TASP1: variants seen among roughly 807,000 people sequenced by gnomAD.
The protein encoded by TASP1 is taspase 1.
A neutral mutation model predicts 56.6 loss-of-function variants in TASP1; 16 were observed. The observed-to-expected ratio is 0.28, with a 90% CI of 0.19 to 0.43. TASP1 has a LOEUF of 0.43. TASP1 is among the 20% of genes least tolerant of loss of function. The probability of loss-of-function intolerance (pLI) is 1.00; values close to 1 mark genes in which losing one functional copy is unlikely to be tolerated. For synonymous variants in TASP1, 179 were observed against 184.2 expected, an observed-to-expected ratio of 0.97 and a Z score of 0.23; for missense variants, 393 against 511.6, an observed-to-expected ratio of 0.77 and a Z score of 2.24.
the TASP1 span, among the ~76,000 whole-genome samples, chr20:13,195,187 T>C: frequency 6.6e-6 from 1 of 152,220 alleles, no homozygotes. Flanking sequence ...AACTTAACAA[T>C]ATAAATAAAG....
In TASP1 at chr20:13,557,546, A is replaced by C. The variant is rs2046200453; in HGVS notation, c.675+1462T>G. On this transcript the variant is annotated intron_variant, in intron 8 of 13. Transcript: ENST00000337743. ...AAAAACTGATTAAATCATTTACTCT[A>C]TGCAAATTTTATTACGATGTTTTTG... 3.0e-5 allele frequency among the ~76,000 whole-genome samples: 4 copies of C among 134,976 alleles called. No homozygotes were observed. The South Asian group carries it at 9.7e-4, about 33-fold the overall frequency. The allele number at this position is 134,976 out of a possible 152,430, so 88.5% of individuals were successfully genotyped here.
intron 1 of TASP1, among the ~76,000 whole-genome samples, chr20:13,634,295 G>C (rs1423130351): frequency 6.6e-6 from 1 of 152,188 alleles, no homozygotes; most frequent in African/African-American, 2.4e-5. Context: ...CATATTATAT[G>C]ATTCCATTTA....
the TASP1 span, among the ~76,000 whole-genome samples, chr20:13,162,254 G>A: frequency 1.5e-4 from 23 of 152,166 alleles, no homozygotes; most frequent in Non-Finnish European, 1.9e-4. Flanking sequence ...GAGCATGGCC[G>A]GGAAGCAAGT....
the TASP1 span, among the ~76,000 whole-genome samples, chr20:13,207,675 T>C: frequency 1.3e-5 from 2 of 152,180 alleles, no homozygotes; most frequent in South Asian, 2.1e-4. Context: ...GGTTTTTTGC[T>C]CTATTCTGGC....
intron 4 of TASP1, among the ~76,000 whole-genome samples, chr20:13,596,744 G>C (rs867339898): frequency 9.9e-5 from 15 of 152,260 alleles, no homozygotes; most frequent in Middle Eastern, 3.4e-3. Context: ...GAATCCAGGA[G>C]CTGGTTTTTT....
At chr20:13,390,576 C>T (rs1023392733) in intron 13 of TASP1, 124 bp from the exon 14 acceptor site, 2 of 719,260 alleles carry the variant, frequency 2.8e-6, no homozygotes, top group African/African-American at 3.5e-5. Flanking sequence ...TGCTTCTGAG[C>T]ATCCACAGAC....
the TASP1 span, among the ~76,000 whole-genome samples, chr20:13,359,726 C>T: frequency 4.3e-4 from 65 of 150,096 alleles, no homozygotes; most frequent in African/African-American, 9.8e-4. Flanking sequence ...CTTATTAGGC[C>T]GAGACACTTT....
intron 7 of TASP1, among the ~76,000 whole-genome samples, chr20:13,560,816 A>T (rs975635950): frequency 6.6e-6 from 1 of 152,186 alleles, no homozygotes; most frequent in Non-Finnish European, 1.5e-5. Flanking sequence ...ATAGCTGAAA[A>T]CTTGCCAAAT....
chr20:13,109,072 T>C, the TASP1 span, among the ~76,000 whole-genome samples: 1 of 152,152 alleles, frequency 6.6e-6, no homozygotes, highest in African/African-American at 2.4e-5. Flanking sequence ...GCTTAAATGT[T>C]AAAAACAAAA....
chr20:13,217,009 C>T, the TASP1 span, among the ~76,000 whole-genome samples: 1 of 152,206 alleles, frequency 6.6e-6, no homozygotes, highest in Non-Finnish European at 1.5e-5. Flanking sequence ...TTGGGGAACA[C>T]AGAACAGCCT....
chr20:13,481,221 C>CA (rs1161333522), intron 11 of TASP1, among the ~76,000 whole-genome samples: 1 of 152,114 alleles, frequency 6.6e-6, no homozygotes, highest in Non-Finnish European at 1.5e-5. Context: ...TGATCTCCCC[C>CA]AGTTCCATCC....
chr20:13,124,296 A>T, the TASP1 span, among the ~76,000 whole-genome samples: 1 of 151,782 alleles, frequency 6.6e-6, no homozygotes, highest in South Asian at 2.1e-4. Context: ...TACTTGCTGG[A>T]AGGAAAGATG....
At chr20:13,196,072 T>C in the TASP1 span, among the ~76,000 whole-genome samples, 1 of 152,328 alleles carries the variant, frequency 6.6e-6, no homozygotes, top group Admixed American at 6.5e-5. Flanking sequence ...GATAAATTTG[T>C]GGGTTTGAAA....
At chr20:13,105,577 AC>A in the TASP1 span, among the ~76,000 whole-genome samples, 3 of 152,144 alleles carry the variant, frequency 2.0e-5, no homozygotes, top group Non-Finnish European at 2.9e-5. Context: ...TGTTTATGTG[AC>A]CTTTTTGGTG....
intron 6 of TASP1, among the ~76,000 whole-genome samples, chr20:13,575,497 T>A (rs1431230273): frequency 6.6e-6 from 1 of 152,222 alleles, no homozygotes; most frequent in Non-Finnish European, 1.5e-5. Flanking sequence ...CCTGCCATCA[T>A]GTAATGTAAG....
chr20:13,575,260 C>A (rs571762801), intron 6 of TASP1, among the ~76,000 whole-genome samples: 2 of 152,180 alleles, frequency 1.3e-5, no homozygotes, highest in African/African-American at 2.4e-5. Flanking sequence ...AAGTACAATA[C>A]CTATTCCTAC....
the TASP1 span, among the ~76,000 whole-genome samples, chr20:13,243,108 G>A: frequency 2.6e-5 from 4 of 151,366 alleles, no homozygotes; most frequent in East Asian, 1.9e-4. Context: ...CTGTGACTGC[G>A]TGGCTTGGGG....
chr20:13,242,246 G>A, the TASP1 span, among the ~76,000 whole-genome samples: 1 of 152,158 alleles, frequency 6.6e-6, no homozygotes, highest in Non-Finnish European at 1.5e-5. Context: ...ACAACAGGAG[G>A]TCAATGGTAA....
chr20:13,202,920 T>C, the TASP1 span, among the ~76,000 whole-genome samples: 2 of 152,332 alleles, frequency 1.3e-5, no homozygotes, highest in Non-Finnish European at 2.9e-5. Flanking sequence ...TAAGCTATAG[T>C]TCACTATGTA....
Sources: allele counts gnomAD v4.1 joint callset (sites outside exome capture counted in the v4.1 genomes callset), GRCh38; gene constraint gnomAD v4.1.1; transcripts MANE v1.5; gene names NCBI Gene and HGNC (gene_info 2026-07-23, HGNC 2026-07-21).